The following NEGR1 variants were observed in gnomAD, a reference collection of about 807,000 sequenced individuals.
The protein encoded by NEGR1 is IgLON family member 4.
Under a neutral mutation model 40.9 loss-of-function variants are expected in NEGR1, and 10 were observed. That is an observed-to-expected ratio of 0.24 (90% CI 0.15 to 0.42). The LOEUF is 0.42. Among genes scored for constraint, NEGR1 ranks in the 10% least tolerant of loss-of-function variants. The pLI is 1.00. For synonymous variants in NEGR1, 185 were observed against 166.8 expected (o/e 1.11, Z -0.84); for missense variants, 352 against 438.9 (o/e 0.80, Z 1.77).
intron 3 of NEGR1, among the ~76,000 whole-genome samples, chr1:71,714,428 A>G (rs1466750250): frequency 6.6e-6 from 1 of 152,210 alleles, no homozygotes; most frequent in African/African-American, 2.4e-5. Context: ...ACAGTCTGCA[A>G]AAGTCTTAAC....
At chr1:71,927,285 T>C (rs1418532699) in intron 2 of NEGR1, among the ~76,000 whole-genome samples, 3 of 152,192 alleles carry the variant, frequency 2.0e-5, no homozygotes, top group Admixed American at 2.0e-4. Flanking sequence ...TTATGCAAGA[T>C]TTCCTTGCCT....
In NEGR1 at chr1:71,838,144, G is replaced by T. The variant is rs191318649; in HGVS notation, c.410-61847C>A. Reference sequence around the variant, plus strand: ...AGTACATAATTAAATAATGTATTTTGCCTAAAAGTTATTTAGAAAATCGTT... The same window carrying T: ...AGTACATAATTAAATAATGTATTTTTCCTAAAAGTTATTTAGAAAATCGTT... On this transcript the variant is annotated intron_variant, in intron 2 of 6. Coordinates refer to ENST00000357731, the MANE Select transcript of NEGR1 (RefSeq NM_173808.3). Among the ~76,000 whole-genome samples, 41 of 151,880 alleles carry T rather than the reference G, an allele frequency of 2.7e-4. No individual in the cohort carries two copies. In the East Asian group the frequency reaches 7.4e-3, roughly 27 times the overall value.
chr1:72,172,226 G>A (rs909591310), intron 1 of NEGR1, among the ~76,000 whole-genome samples: 2 of 151,868 alleles, frequency 1.3e-5, no homozygotes, highest in African/African-American at 4.8e-5. Context: ...TCCACCTTAG[G>A]CAGGTATAAT....
At chr1:72,209,306 A>G (rs1653515468) in intron 1 of NEGR1, among the ~76,000 whole-genome samples, 3 of 151,674 alleles carry the variant, frequency 2.0e-5, no homozygotes, top group Admixed American at 2.0e-4. Flanking sequence ...TTATCTCCCA[A>G]ATATTTATCA....
At chr1:72,270,498 A>G (rs1655806584) in intron 1 of NEGR1, among the ~76,000 whole-genome samples, 2 of 151,822 alleles carry the variant, frequency 1.3e-5, no homozygotes, top group Non-Finnish European at 2.9e-5. Context: ...CTAATCCTCA[A>G]TAATTATTTG....
At chr1:71,948,771 A>G (rs1048653597) in intron 1 of NEGR1, among the ~76,000 whole-genome samples, 1 of 151,972 alleles carries the variant, frequency 6.6e-6, no homozygotes, top group African/African-American at 2.4e-5. Flanking sequence ...CTGGCTCAGA[A>G]ATGCGAGTAC....
At chr1:72,022,867 G>A in intron 1 of NEGR1, among the ~76,000 whole-genome samples, 1 of 152,222 alleles carries the variant, frequency 6.6e-6, no homozygotes, top group African/African-American at 2.4e-5. Flanking sequence ...CAAGGTTGCT[G>A]TATATAAAAT....
At chr1:71,709,619 G>T (rs1654014428) in intron 3 of NEGR1, among the ~76,000 whole-genome samples, 2 of 152,114 alleles carry the variant, frequency 1.3e-5, no homozygotes. Context: ...GTGGGGAAAA[G>T]GCAGTCTCTT....
At chr1:72,224,981 C>A (rs942103501) in intron 1 of NEGR1, among the ~76,000 whole-genome samples, 1 of 152,010 alleles carries the variant, frequency 6.6e-6, no homozygotes, top group Admixed American at 6.6e-5. Flanking sequence ...GTATTTTGGA[C>A]TTTCCTAATA....
At chr1:71,761,314 G>T (rs1020753381) in intron 3 of NEGR1, among the ~76,000 whole-genome samples, 1 of 152,136 alleles carries the variant, frequency 6.6e-6, no homozygotes, top group Non-Finnish European at 1.5e-5. Flanking sequence ...AATGAGCATG[G>T]TGATGTTCAG....
chr1:72,171,395 G>C (rs894135809), intron 1 of NEGR1, among the ~76,000 whole-genome samples: 1 of 152,132 alleles, frequency 6.6e-6, no homozygotes, highest in African/African-American at 2.4e-5. Flanking sequence ...GCCCTTTCTG[G>C]CACCTATTGG....
intron 1 of NEGR1, among the ~76,000 whole-genome samples, chr1:72,090,942 T>G (rs886674230): frequency 2.6e-5 from 4 of 152,212 alleles, no homozygotes; most frequent in South Asian, 2.1e-4. Context: ...GGGTTCTTTT[T>G]GGGGGTACTT....
chr1:71,570,064 C>A (rs1213996831), intron 6 of NEGR1, among the ~76,000 whole-genome samples: 5 of 152,080 alleles, frequency 3.3e-5, no homozygotes, highest in Non-Finnish European at 5.9e-5. Context: ...AAAACAACAA[C>A]AAAAAAGTTT....
chr1:72,179,532 G>GTATTTATT (rs898498375), intron 1 of NEGR1, among the ~76,000 whole-genome samples: 68 of 152,184 alleles, frequency 4.5e-4, no homozygotes, highest in Middle Eastern at 6.8e-3. Context: ...TATGTGTCCA[G>GTATTTATT]TAAGTATTAA....
intron 1 of NEGR1, among the ~76,000 whole-genome samples, chr1:71,976,970 AAT>A (rs879430327): frequency 1.1e-4 from 17 of 152,202 alleles, no homozygotes; most frequent in Admixed American, 3.9e-4. Context: ...AGGCACATTC[AAT>A]ATGGAAATTT....
In NEGR1 at chr1:71,994,830, CAG is replaced by C. The variant is rs1646489448; in HGVS notation, c.177-59521_177-59520del. Among the ~76,000 whole-genome samples, 4 of 151,950 alleles carry C rather than the reference CAG, an allele frequency of 2.6e-5. No homozygotes were observed. The South Asian group carries it at 8.3e-4, about 32-fold the overall frequency. On this transcript the variant is annotated intron_variant, in intron 1 of 6. Coordinates refer to ENST00000357731, the MANE Select transcript of NEGR1 (RefSeq NM_173808.3). ...CCTGTATGGCAGTCTAGGAGTTCCC[CAG>C]AGACATAAGGCCTCATGAATAATTT... is the stretch of plus-strand genomic sequence containing the variant.
intron 1 of NEGR1, among the ~76,000 whole-genome samples, chr1:72,068,267 A>G (rs1569908314): frequency 6.6e-6 from 1 of 152,164 alleles, no homozygotes; most frequent in African/African-American, 2.4e-5. Flanking sequence ...TGGACACCAC[A>G]TGGCAGGATC....
intron 6 of NEGR1, among the ~76,000 whole-genome samples, chr1:71,429,973 T>C (rs1646455449): frequency 6.6e-6 from 1 of 152,192 alleles, no homozygotes; most frequent in Non-Finnish European, 1.5e-5. Context: ...CAAGGCCTTT[T>C]GCCAGCCCCT....
intron 4 of NEGR1, among the ~76,000 whole-genome samples, chr1:71,613,011 T>G (rs1025799411): frequency 3.3e-5 from 5 of 152,164 alleles, no homozygotes; most frequent in Non-Finnish European, 2.9e-5. Context: ...AGACAAATGG[T>G]GAGTCCCTGC....
Sources: allele counts gnomAD v4.1 joint callset (sites outside exome capture counted in the v4.1 genomes callset), GRCh38; gene constraint gnomAD v4.1.1; transcripts MANE v1.5; gene names NCBI Gene and HGNC (gene_info 2026-07-23, HGNC 2026-07-21).